The following DOCK2 variants were observed in gnomAD, a reference collection of about 807,000 sequenced individuals.
DOCK2 encodes the protein dedicator of cytokinesis 2, also known as dedicator of cytokinesis protein 2.
In DOCK2, 87 loss-of-function variants were observed where a neutral mutation model predicts 248.9. The ratio of observed to expected loss-of-function variants is 0.35; its 90% CI spans 0.29 to 0.42. The LOEUF (loss-of-function observed/expected upper bound fraction) is 0.42, where lower values mean the gene tolerates loss of function less well. DOCK2 is among the 10% of genes least tolerant of loss of function. The pLI is 1.00. For synonymous variants in DOCK2, 805 were observed against 821.6 expected (o/e 0.98, Z 0.35); for missense variants, 1,747 against 2,300.2 (o/e 0.76, Z 4.92).
chr5:169,984,394 T>C (rs1277714834), intron 28 of DOCK2, among the ~76,000 whole-genome samples: 1 of 152,284 alleles, frequency 6.6e-6, no homozygotes, highest in Non-Finnish European at 1.5e-5. Context: ...TAATGAGAAT[T>C]TGTAGGAGAC....
intron 10 of DOCK2, 66 bp from the exon 11 acceptor site, chr5:169,698,307 TC>T: frequency 6.5e-7 from 1 of 1,528,692 alleles, no homozygotes; most frequent in South Asian, 1.1e-5. Flanking sequence ...CATAAGCTCA[TC>T]CCACTGTCAT....
rs1343158236 is a variant in DOCK2, at chr5:170,080,156, C to A, written c.5167-7C>A. The A allele has an allele frequency of 3.1e-6, 5 of 1,613,818 alleles. No homozygotes were observed. The highest frequency in any genetic ancestry group is 4.2e-6 in the Non-Finnish European group (5 of 1,179,920). On this transcript the variant is annotated splice_region_variant and splice_polypyrimidine_tract_variant and intron_variant, in intron 49 of 51. Coordinates refer to ENST00000520908, the MANE Select transcript of DOCK2 (RefSeq NM_004946.3). ...TGTGTGTGTGTGTGTCTGGTGTATT[C>A]CTCCAGCTTTCCAGGAAGCATGAGT...
intron 46 of DOCK2, among the ~76,000 whole-genome samples, chr5:170,070,550 G>GA (rs1757646470): frequency 6.6e-6 from 1 of 152,140 alleles, no homozygotes. Flanking sequence ...CCAGCCTTCT[G>GA]GGGTCGTCAT....
At chr5:170,078,849 C>A in intron 48 of DOCK2, 126 bp from the exon 49 acceptor site, 3 of 1,012,572 alleles carry the variant, frequency 3.0e-6, no homozygotes, top group Non-Finnish European at 2.9e-6. Context: ...ATTTGCTGAT[C>A]TACTCCAGAC....
At chr5:170,012,037 A>G (rs1191516329) in intron 32 of DOCK2, among the ~76,000 whole-genome samples, 1 of 152,344 alleles carries the variant, frequency 6.6e-6, no homozygotes, top group South Asian at 2.1e-4. Context: ...TGCCGATTTT[A>G]TAGGTAAAGT....
chr5:169,826,717 A>G (rs1768886530), intron 26 of DOCK2, among the ~76,000 whole-genome samples: 1 of 152,194 alleles, frequency 6.6e-6, no homozygotes, highest in South Asian at 2.1e-4. Flanking sequence ...TACACTCTTA[A>G]TATGGAGAGG....
At chr5:169,992,574 C>T (rs1335238245) in intron 29 of DOCK2, among the ~76,000 whole-genome samples, 1 of 152,174 alleles carries the variant, frequency 6.6e-6, no homozygotes, top group African/African-American at 2.4e-5. Context: ...AAGCAATTCT[C>T]CTGCCTCAGC....
chr5:169,748,976 A>C (rs1189383889), intron 23 of DOCK2, among the ~76,000 whole-genome samples: 1 of 152,220 alleles, frequency 6.6e-6, no homozygotes, highest in Non-Finnish European at 1.5e-5. Context: ...ACATGCCCAC[A>C]TCTCTCTGGT....
At chr5:170,003,817 C>T (rs1055628958) in intron 30 of DOCK2, among the ~76,000 whole-genome samples, 1 of 152,208 alleles carries the variant, frequency 6.6e-6, no homozygotes, top group African/African-American at 2.4e-5. Flanking sequence ...AAGTATTCAG[C>T]AATATCTAGT....
intron 27 of DOCK2, among the ~76,000 whole-genome samples, chr5:169,972,571 AGATAGATAGATAGAT>A (rs1388572189): frequency 1.8e-4 from 10 of 56,406 alleles, no homozygotes; most frequent in South Asian, 7.8e-4. Context: ...ATAGATAGAT[AGATAGATAGATAGAT>A]GATAGATAGA....
intron 1 of DOCK2, among the ~76,000 whole-genome samples, chr5:169,653,230 A>G (rs1481399235): frequency 6.6e-6 from 1 of 152,112 alleles, no homozygotes; most frequent in Non-Finnish European, 1.5e-5. Context: ...CCACACTGAT[A>G]AGCCACTTCC....
chr5:169,765,070 G>GTACA (rs1554098291), intron 25 of DOCK2, among the ~76,000 whole-genome samples: 6 of 146,500 alleles, frequency 4.1e-5, no homozygotes, highest in Admixed American at 6.8e-5. Context: ...CTCTTTTAGC[G>GTACA]CACACACACA....
intron 44 of DOCK2, among the ~76,000 whole-genome samples, chr5:170,062,513 A>G (rs1296426465): frequency 1.3e-5 from 2 of 152,194 alleles, no homozygotes; most frequent in African/African-American, 2.4e-5. Context: ...AAATCAGGAA[A>G]GAAATTCCCA....
chr5:169,801,155 T>TG, intron 25 of DOCK2, among the ~76,000 whole-genome samples: 1 of 116,132 alleles, frequency 8.6e-6, no homozygotes, highest in African/African-American at 3.0e-5. Flanking sequence ...GGTTTTTTTT[T>TG]TTTTTTTTTT....
intron 1 of DOCK2, among the ~76,000 whole-genome samples, chr5:169,647,414 AT>A (rs1757529720): frequency 6.6e-6 from 1 of 151,698 alleles, no homozygotes; most frequent in African/African-American, 2.4e-5. Context: ...AGGTTTTAAA[AT>A]TTTCTGGTGG....
At chr5:169,648,440 C>T (rs1055242711) in intron 1 of DOCK2, among the ~76,000 whole-genome samples, 2 of 152,124 alleles carry the variant, frequency 1.3e-5, no homozygotes, top group African/African-American at 2.4e-5. Flanking sequence ...GTCACTGGCT[C>T]GCTAAAAACT....
intron 44 of DOCK2, among the ~76,000 whole-genome samples, chr5:170,066,313 G>T (rs1195324082): frequency 3.3e-5 from 5 of 152,014 alleles, no homozygotes; most frequent in Non-Finnish European, 5.9e-5. Flanking sequence ...AAAAGACAAG[G>T]TCATTATATA....
At chr5:170,061,047 G>T (rs1757311162) in intron 44 of DOCK2, among the ~76,000 whole-genome samples, 2 of 152,056 alleles carry the variant, frequency 1.3e-5, no homozygotes, top group Non-Finnish European at 2.9e-5. Flanking sequence ...ATTAAAAAAA[G>T]AAAAATATGA....
chr5:169,936,295 G>T (rs1775991011), intron 27 of DOCK2, among the ~76,000 whole-genome samples: 1 of 152,164 alleles, frequency 6.6e-6, no homozygotes, highest in Non-Finnish European at 1.5e-5. Flanking sequence ...CAGAGATGGG[G>T]CTAGGCTGCA....
Sources: allele counts gnomAD v4.1 joint callset (sites outside exome capture counted in the v4.1 genomes callset), GRCh38; gene constraint gnomAD v4.1.1; transcripts MANE v1.5; gene names NCBI Gene and HGNC (gene_info 2026-07-23, HGNC 2026-07-21).